The following F13A1 variants were observed in gnomAD, a reference collection of about 807,000 sequenced individuals.
The protein encoded by F13A1 is coagulation factor XIII A chain.
Under a neutral mutation model 80.1 loss-of-function variants are expected in F13A1, and 47 were observed. The observed-to-expected ratio is 0.59, with a 90% confidence interval of 0.46 to 0.75. The LOEUF (loss-of-function observed/expected upper bound fraction) is 0.75. Ranked by LOEUF, F13A1 falls within the 30% of genes least tolerant of loss-of-function variation. F13A1 has a pLI of 0.00. For missense variants in F13A1, 817 were observed against 930.4 expected (o/e 0.88, Z 1.59); for synonymous variants, 349 against 344.9 (o/e 1.01, Z -0.13).
intron 3 of F13A1, among the ~76,000 whole-genome samples, 166 bp from the exon 4 acceptor site, chr6:6,266,975 CAGG>C (rs1371974494): frequency 2.0e-5 from 3 of 152,174 alleles, no homozygotes; most frequent in East Asian, 1.9e-4. Flanking sequence ...TGATTGTAAG[CAGG>C]AGAACCTTCA....
chr6:6,149,645 G>T (rs572842193), intron 14 of F13A1, among the ~76,000 whole-genome samples: 5 of 152,180 alleles, frequency 3.3e-5, no homozygotes, highest in Non-Finnish European at 7.3e-5. Flanking sequence ...GAACCGAATT[G>T]GTCGGCACCT....
At chr6:6,274,635 G>C (rs1757963763) in intron 3 of F13A1, among the ~76,000 whole-genome samples, 1 of 152,210 alleles carries the variant, frequency 6.6e-6, no homozygotes, top group African/African-American at 2.4e-5. Flanking sequence ...TGAGAAAGAG[G>C]ACTGTGAAGC....
intron 5 of F13A1, among the ~76,000 whole-genome samples, chr6:6,249,786 A>T (rs1230043456): frequency 6.6e-6 from 1 of 152,164 alleles, no homozygotes. Context: ...TGAGGAGGGG[A>T]TGGCTTGAAA....
chr6:6,150,685 T>C (rs536560054), intron 14 of F13A1, among the ~76,000 whole-genome samples: 29 of 152,114 alleles, frequency 1.9e-4, no homozygotes, highest in Non-Finnish European at 4.3e-4. Context: ...GTCCTCTACC[T>C]CCCTTTCTAT....
chr6:6,170,512 C>T (rs1022187386), intron 12 of F13A1, among the ~76,000 whole-genome samples: 4 of 152,196 alleles, frequency 2.6e-5, no homozygotes, highest in Non-Finnish European at 2.9e-5. Flanking sequence ...AATAGGTTTT[C>T]GCTCTATGAG....
rs914016250 is a variant in F13A1, at chr6:6,295,337, T to G, written c.319+10014A>C. On this transcript the variant is annotated intron_variant, in intron 3 of 14. Transcript: ENST00000264870. ...ATTGCCACACTGACTTCCACAATGG[T>G]TGAACTAGTTTACAGTCCCACCAAC... Among the ~76,000 whole-genome samples the G allele has an allele frequency of 6.8e-4, 101 of 148,002 alleles. 10 individuals are homozygous for G. Among genetic ancestry groups the G allele is most frequent in the Middle Eastern group, 3.4e-3 (1 of 294 alleles).
At chr6:6,275,196 C>T (rs1454199679) in intron 3 of F13A1, among the ~76,000 whole-genome samples, 2 of 151,550 alleles carry the variant, frequency 1.3e-5, no homozygotes, top group Non-Finnish European at 2.9e-5. Context: ...GACTGACTCT[C>T]GGGGGAAGGT....
At chr6:6,253,092 G>A (rs527673154) in intron 4 of F13A1, among the ~76,000 whole-genome samples, 5 of 138,692 alleles carry the variant, frequency 3.6e-5, no homozygotes, top group South Asian at 2.3e-4. Flanking sequence ...CCAGGAGGCC[G>A]AGATAGCACT....
In F13A1 at chr6:6,268,995, GT is replaced by G. The variant is rs559294187; in HGVS notation, c.320-2187del. On this transcript the variant is annotated intron_variant, in intron 3 of 14. Coordinates refer to ENST00000264870, the MANE Select transcript of F13A1 (RefSeq NM_000129.4). The stretch of plus-strand genomic sequence containing the variant: ...TGTGAGCCACCATGCCTGGCAAATT[GT>G]TTTTTTTTTTTAAGTATAACTTCTA... Among the ~76,000 whole-genome samples the G allele has an allele frequency of 3.3e-4, 47 of 144,188 alleles. 1 individual carries two copies. Among genetic ancestry groups the G allele is most frequent in the Admixed American group, 6.3e-4 (9 of 14,394 alleles). The allele number at this position is 144,188 out of a possible 152,430, so 94.6% of individuals were successfully genotyped here. A position where few individuals can be genotyped will look rare whatever the true frequency, so the allele number is the denominator to read the frequency against.
intron 3 of F13A1, among the ~76,000 whole-genome samples, chr6:6,283,787 C>G (rs1321521299): frequency 6.6e-6 from 1 of 152,052 alleles, no homozygotes; most frequent in Admixed American, 6.6e-5. Flanking sequence ...TAAGGGATAC[C>G]CTCCTGGTTG....
rs558231129 is a variant in F13A1, at chr6:6,238,966, T to C, written c.798+9346A>G. 2.6e-5 allele frequency among the ~76,000 whole-genome samples: 4 copies of C among 152,266 alleles called. No individual in the cohort carries two copies. The East Asian group carries it at 5.8e-4, about 22-fold the overall frequency. On this transcript the variant is annotated intron_variant, in intron 6 of 14. Transcript: ENST00000264870. ...TAGCCAATTCTTATAAAGTTAAATA[T>C]ATACATACTTTCTGATCTAGGCATG...
intron 13 of F13A1, among the ~76,000 whole-genome samples, chr6:6,164,502 CA>C: frequency 6.6e-6 from 1 of 151,714 alleles, no homozygotes; most frequent in East Asian, 1.9e-4. Context: ...AATAGAAAGA[CA>C]GGAAAGGAAG....
chr6:6,253,419 G>A (rs745487253), intron 4 of F13A1, among the ~76,000 whole-genome samples: 7 of 152,162 alleles, frequency 4.6e-5, no homozygotes, highest in East Asian at 1.9e-4. Context: ...ATATGACTGC[G>A]CAGCTGAGCA....
chr6:6,251,051 C>T, intron 4 of F13A1, 122 bp from the exon 5 acceptor site: 1 of 794,544 alleles, frequency 1.3e-6, no homozygotes, highest in Non-Finnish European at 2.2e-6. Flanking sequence ...TTAAAAAATG[C>T]CCTTTGTTTC....
intron 3 of F13A1, among the ~76,000 whole-genome samples, chr6:6,282,132 A>G (rs1428390239): frequency 1.3e-5 from 2 of 152,226 alleles, no homozygotes; most frequent in Non-Finnish European, 2.9e-5. Context: ...AGGAGGTAAA[A>G]TACTAATGAG....
intron 10 of F13A1, among the ~76,000 whole-genome samples, chr6:6,186,598 C>A (rs1295339071): frequency 2.0e-5 from 3 of 152,196 alleles, no homozygotes; most frequent in African/African-American, 7.2e-5. Flanking sequence ...ATTTTGGTAC[C>A]AGTACCATGC....
At chr6:6,155,860 C>T (rs977156758) in intron 13 of F13A1, among the ~76,000 whole-genome samples, 7 of 152,118 alleles carry the variant, frequency 4.6e-5, no homozygotes, top group Admixed American at 1.3e-4. Context: ...TGCAAAGCTC[C>T]CTTTTCCTTA....
chr6:6,198,690 C>T (rs910238360), intron 8 of F13A1, among the ~76,000 whole-genome samples: 1 of 152,174 alleles, frequency 6.6e-6, no homozygotes, highest in African/African-American at 2.4e-5. Flanking sequence ...AAATGACAAA[C>T]CTGTAAACCA....
chr6:6,233,620 C>A (rs1757378980), intron 6 of F13A1, among the ~76,000 whole-genome samples: 1 of 152,078 alleles, frequency 6.6e-6, no homozygotes, highest in Admixed American at 6.5e-5. Context: ...CACCCTAATA[C>A]AAAAACCAGG....
Sources: allele counts gnomAD v4.1 joint callset (sites outside exome capture counted in the v4.1 genomes callset), GRCh38; gene constraint gnomAD v4.1.1; transcripts MANE v1.5; gene names NCBI Gene and HGNC (gene_info 2026-07-23, HGNC 2026-07-21).